The following ARHGAP19 variants were observed in gnomAD, a reference collection of about 807,000 sequenced individuals.
ARHGAP19 encodes Rho GTPase activating protein 19, also known as rho GTPase-activating protein 19.
Under a neutral mutation model 60.9 loss-of-function variants are expected in ARHGAP19, and 48 were observed. The ratio of observed to expected loss-of-function variants is 0.79; its 90% CI spans 0.62 to 1.00. The LOEUF (loss-of-function observed/expected upper bound fraction) is 1.00. Among genes scored for constraint, ARHGAP19 ranks in the 50% least tolerant of loss-of-function variants. The pLI is 0.00. For synonymous variants in ARHGAP19, 209 were observed against 215.5 expected, an observed-to-expected ratio of 0.97 and a Z score of 0.27; for missense variants, 562 against 597.2, an observed-to-expected ratio of 0.94 and a Z score of 0.61.
chr10:97,228,467 C>T (rs2134801681), intron 11 of ARHGAP19, among the ~76,000 whole-genome samples: 1 of 152,304 alleles, frequency 6.6e-6, no homozygotes, highest in Non-Finnish European at 1.5e-5. Context: ...TAACTTTTAT[C>T]CTCATTTTCA....
Position 97,246,313 on chromosome 10 carries a change from C to G in ARHGAP19, c.952G>C (p.Ala318Pro). ...CTGGATCCCAAATAGTGCAATCTCG[C>G]ACACTCCCGAATGTAAGCAGGAGCC... Reference protein sequence around the residue: ...FKAPAYIRECARLHYLGSRTQ... With the variant: ...FKAPAYIRECPRLHYLGSRTQ... Residue 318 changes from alanine to proline, a missense_variant, in exon 7 of 12, where the codon GCG (alanine) becomes CCG (proline). Transcript: ENST00000358531. 1 of 1,613,896 alleles carries G rather than the reference C, an allele frequency of 6.2e-7. No individual in the cohort carries two copies. The highest frequency in any genetic ancestry group is 8.5e-7 in the Non-Finnish European group (1 of 1,179,914).
At chr10:97,260,934 TAA>T (rs757386929) in intron 4 of ARHGAP19, among the ~76,000 whole-genome samples, 88 of 107,592 alleles carry the variant, frequency 8.2e-4, no homozygotes, top group African/African-American at 1.9e-3. Flanking sequence ...TCTCTATATT[TAA>T]AAAAAAAAAA....
At chr10:97,228,952 AG>A in intron 11 of ARHGAP19, 194 bp downstream of exon 11, 1 of 690,910 alleles carries the variant, frequency 1.4e-6, no homozygotes, top group Non-Finnish European at 2.6e-6. Context: ...CTCTACCCTT[AG>A]CACCCAAGAC....
At chr10:97,245,595 C>CAAAAAAAAA (rs397845381) in intron 7 of ARHGAP19, among the ~76,000 whole-genome samples, 1 of 112,378 alleles carries the variant, frequency 8.9e-6, no homozygotes, top group African/African-American at 3.5e-5. Context: ...AACCCTATCT[C>CAAAAAAAAA]AAAAAAAAAA....
intron 1 of ARHGAP19, among the ~76,000 whole-genome samples, chr10:97,267,363 C>G (rs1011479830): frequency 6.6e-6 from 1 of 152,226 alleles, no homozygotes; most frequent in African/African-American, 2.4e-5. Flanking sequence ...TGGGTACATC[C>G]CCATTCCTGG....
At chr10:97,247,753 G>C (rs1842583850) in intron 6 of ARHGAP19, among the ~76,000 whole-genome samples, 3 of 152,018 alleles carry the variant, frequency 2.0e-5, no homozygotes, top group African/African-American at 7.2e-5. Flanking sequence ...TTAATGAATT[G>C]ATATGGAAGG....
At chr10:97,236,613 T>G (rs1473547953) in intron 8 of ARHGAP19, among the ~76,000 whole-genome samples, 1 of 151,990 alleles carries the variant, frequency 6.6e-6, no homozygotes, top group Non-Finnish European at 1.5e-5. Flanking sequence ...CAGAGCCTTT[T>G]TAAAATGCAT....
At chr10:97,245,113 C>T (rs539785528) in intron 7 of ARHGAP19, among the ~76,000 whole-genome samples, 5 of 152,056 alleles carry the variant, frequency 3.3e-5, no homozygotes, top group South Asian at 2.1e-4. Context: ...TCAAGTGATC[C>T]GCCCACCTCA....
At chr10:97,276,457 T>A (rs1181147448) in intron 1 of ARHGAP19, among the ~76,000 whole-genome samples, 1 of 1,856 alleles carries the variant, frequency 5.4e-4, no homozygotes, top group African/African-American at 7.1e-4. Flanking sequence ...TACTGGGAAG[T>A]GAGGAGCCCC....
At chr10:97,246,703 C>A (rs1842568543) in intron 6 of ARHGAP19, among the ~76,000 whole-genome samples, 1 of 152,190 alleles carries the variant, frequency 6.6e-6, no homozygotes, top group Non-Finnish European at 1.5e-5. Flanking sequence ...CTCCAGATCA[C>A]ATTTTAAAAT....
rs978281410 is a variant in ARHGAP19, at chr10:97,224,701, G to A, written c.*1421C>T. 3.9e-5 allele frequency: 6 copies of A among 152,194 alleles called. No individual in the cohort carries two copies. The highest frequency in any genetic ancestry group is 1.9e-4 in the East Asian group (1 of 5,192). The allele number at this position is 152,194 out of a possible 1,614,324, so 9.4% of individuals were successfully genotyped here. A position where few individuals can be genotyped will look rare whatever the true frequency, so the allele number is the denominator to read the frequency against. ...CTGCTTCCCCATAGTGGCCTGACTC[G>A]GCTCCAACCCACAGGGTGAGAAGGG... On this transcript the variant is annotated 3_prime_UTR_variant, in exon 12 of 12. Coordinates refer to ENST00000358531, the MANE Select transcript of ARHGAP19 (RefSeq NM_032900.6).
chr10:97,256,240 C>G, intron 6 of ARHGAP19, 78 bp downstream of exon 6: 1 of 1,168,852 alleles, frequency 8.6e-7, no homozygotes, highest in East Asian at 2.3e-5. Flanking sequence ...GTTTAGTTAT[C>G]TTTATAGCCC....
chr10:97,247,934 T>C (rs1276456431), intron 6 of ARHGAP19, among the ~76,000 whole-genome samples: 2 of 151,684 alleles, frequency 1.3e-5, no homozygotes, highest in African/African-American at 4.8e-5. Flanking sequence ...GGATTGAGAT[T>C]TCTCTAAGTA....
At chr10:97,248,377 G>A (rs1286898413) in intron 6 of ARHGAP19, among the ~76,000 whole-genome samples, 1 of 151,736 alleles carries the variant, frequency 6.6e-6, no homozygotes, top group Non-Finnish European at 1.5e-5. Flanking sequence ...TCGTGCTACT[G>A]CACTCCAGCC....
chr10:97,283,605 C>T (rs896223840), intron 1 of ARHGAP19, among the ~76,000 whole-genome samples: 2 of 151,630 alleles, frequency 1.3e-5, no homozygotes, highest in African/African-American at 4.8e-5. Flanking sequence ...CTGTTTCCAA[C>T]CAGAAATGAT....
At chr10:97,259,294 G>T in intron 5 of ARHGAP19, 108 bp downstream of exon 5, 2 of 896,012 alleles carry the variant, frequency 2.2e-6, no homozygotes, top group Non-Finnish European at 3.6e-6. Flanking sequence ...ACCTCATAAA[G>T]CTGAAGGCTA....
At chr10:97,248,351 C>T (rs981129223) in intron 6 of ARHGAP19, among the ~76,000 whole-genome samples, 1 of 151,746 alleles carries the variant, frequency 6.6e-6, no homozygotes, top group African/African-American at 2.4e-5. Flanking sequence ...GAGGCAGAGG[C>T]TGCTGTGAGC....
In ARHGAP19 at chr10:97,273,740, T is replaced by C. The variant is rs1589377582; in HGVS notation, c.57-7615A>G. Among the ~76,000 whole-genome samples, 3 of 150,830 alleles carry C rather than the reference T, an allele frequency of 2.0e-5. No individual in the cohort carries two copies. The South Asian group carries it at 6.4e-4, about 32-fold the overall frequency. On this transcript the variant is annotated intron_variant, in intron 1 of 11. Transcript: ENST00000358531. ...CTGGGCTCAAGCAATCCACCCACCTTGGCCTCTCAAAGTGCTGGGATTACA... is the reference window on the plus strand; with the variant it reads ...CTGGGCTCAAGCAATCCACCCACCTCGGCCTCTCAAAGTGCTGGGATTACA...
At chr10:97,264,736 T>G in intron 3 of ARHGAP19, 90 bp downstream of exon 3, 6 of 868,998 alleles carry the variant, frequency 6.9e-6, no homozygotes, top group South Asian at 3.1e-5. Flanking sequence ...TGATGGTTAA[T>G]TGGCACCTAC....
Sources: allele counts gnomAD v4.1 joint callset (sites outside exome capture counted in the v4.1 genomes callset), GRCh38; gene constraint gnomAD v4.1.1; transcripts MANE v1.5; gene names NCBI Gene and HGNC (gene_info 2026-07-23, HGNC 2026-07-21).